Variants in TCF12 observed in about 807,000 individuals in gnomAD.
TCF12 encodes the protein DNA-binding protein HTF4.
TCF12 carries 45 observed loss-of-function variants against 86.0 expected under a neutral mutation model. The observed-to-expected ratio is 0.52, with a 90% CI of 0.41 to 0.67. TCF12 has a LOEUF of 0.67. TCF12 is among the 30% of genes least tolerant of loss of function. The probability of loss-of-function intolerance (pLI) is 0.00; values close to 1 mark genes in which losing one functional copy is unlikely to be tolerated. For synonymous variants in TCF12, 330 were observed against 299.6 expected (o/e 1.10, Z -1.05); for missense variants, 881 against 859.9 (o/e 1.02, Z -0.31).
At chr15:57,146,273 A>G (rs1226403038) in intron 5 of TCF12, among the ~76,000 whole-genome samples, 2 of 152,202 alleles carry the variant, frequency 1.3e-5, no homozygotes, top group African/African-American at 4.8e-5. Context: ...AATGTAACTG[A>G]TAGTAGCAAG....
chr15:57,233,931 A>ACAC, intron 11 of TCF12, 112 bp from the exon 12 acceptor site: 4 of 802,312 alleles, frequency 5.0e-6, no homozygotes, highest in Non-Finnish European at 8.6e-6. Flanking sequence ...TTCCTAGTTT[A>ACAC]CTGTAACAGA....
intron 6 of TCF12, among the ~76,000 whole-genome samples, chr15:57,168,210 G>A (rs1191946872): frequency 6.6e-6 from 1 of 152,110 alleles, no homozygotes. Flanking sequence ...ACTGCACTGT[G>A]GAAATTCAAA....
At chr15:56,963,609 CAG>C (rs1408603558) in intron 3 of TCF12, among the ~76,000 whole-genome samples, 4 of 152,138 alleles carry the variant, frequency 2.6e-5, no homozygotes, top group African/African-American at 7.2e-5. Flanking sequence ...GATTTGGACT[CAG>C]TGTTTTATTT....
intron 4 of TCF12, among the ~76,000 whole-genome samples, chr15:57,080,783 T>G (rs1773545790): frequency 6.6e-6 from 1 of 152,218 alleles, no homozygotes; most frequent in Non-Finnish European, 1.5e-5. Context: ...GAATATTAAT[T>G]CTTAACTATA....
In TCF12 at chr15:57,286,911, A is replaced by G. The variant is rs1278889893; in HGVS notation, c.*766A>G. ...CCTGTGTGCTTTGCACATTTACCTT[A>G]CAGTGGTAAGCAGAGACCATCTGTG... On this transcript the variant is annotated 3_prime_UTR_variant, in exon 21 of 21. Coordinates refer to ENST00000333725, the MANE Select transcript of TCF12 (RefSeq NM_207037.2). The G allele has an allele frequency of 3.4e-6, 1 of 294,512 alleles. No individual in the cohort carries two copies. Among genetic ancestry groups the G allele is most frequent in the South Asian group, 3.1e-5 (1 of 32,410 alleles). 18.2% of individuals were successfully genotyped at this position (294,512 alleles called of 1,614,324 possible).
chr15:56,993,150 G>T (rs2063535319), intron 3 of TCF12, among the ~76,000 whole-genome samples: 1 of 151,980 alleles, frequency 6.6e-6, no homozygotes, highest in Non-Finnish European at 1.5e-5. Flanking sequence ...CCTAAAAGTG[G>T]GGCAATCTGA....
At chr15:56,965,115 A>G (rs2061944784) in intron 3 of TCF12, among the ~76,000 whole-genome samples, 2 of 152,214 alleles carry the variant, frequency 1.3e-5, no homozygotes, top group African/African-American at 2.4e-5. Flanking sequence ...GACTAAAGGC[A>G]CTAGCACTTA....
intron 3 of TCF12, among the ~76,000 whole-genome samples, chr15:56,975,946 G>C (rs185541137): frequency 1.1e-3 from 169 of 151,400 alleles, no homozygotes; most frequent in Middle Eastern, 3.4e-3. Context: ...GAAGGACTCA[G>C]GGTCCAATTT....
intron 3 of TCF12, among the ~76,000 whole-genome samples, chr15:57,039,622 A>C (rs2066760529): frequency 7.3e-6 from 1 of 137,686 alleles, no homozygotes. Context: ...TGTTGCTTTG[A>C]GTAGTCCATG....
At chr15:57,129,648 G>A (rs1325251579) in intron 5 of TCF12, 2 of 152,206 alleles carry the variant, frequency 1.3e-5, no homozygotes, top group African/African-American at 4.8e-5. Context: ...TTCTGAAATG[G>A]AGATAGTGGT....
intron 4 of TCF12, among the ~76,000 whole-genome samples, chr15:57,077,367 G>T (rs868019120): frequency 6.3e-5 from 2 of 31,936 alleles, no homozygotes; most frequent in African/African-American, 9.1e-5. Flanking sequence ...GTGTGTGTGT[G>T]TGTGTGTATA....
intron 6 of TCF12, among the ~76,000 whole-genome samples, chr15:57,169,138 T>A (rs375220577): frequency 2.6e-5 from 4 of 152,348 alleles, no homozygotes; most frequent in African/African-American, 9.6e-5. Context: ...CCTGTAGGTT[T>A]AAGCTTCTAA....
chr15:57,263,821 G>A (rs1207616872), intron 18 of TCF12, among the ~76,000 whole-genome samples: 1 of 152,098 alleles, frequency 6.6e-6, no homozygotes, highest in African/African-American at 2.4e-5. Flanking sequence ...AAGAATTTGT[G>A]TATCTAAACA....
At position 57,231,060 on chromosome 15, in the gene TCF12, T is replaced by G. The variant is rs12903855; in HGVS notation, c.580-92T>G. ...GCCCTTTATAAAAATTAGATAGGCC[T>G]TTTTAAGCCCCTTACAGAATATAGA... On this transcript the variant is annotated intron_variant, in intron 8 of 20. Coordinates refer to ENST00000333725, the MANE Select transcript of TCF12 (RefSeq NM_207037.2). 3 of 930,578 alleles carry G rather than the reference T, an allele frequency of 3.2e-6. No individual in the cohort carries two copies. In the African/African-American group the frequency reaches 5.0e-5, roughly 15 times the overall value. The allele number at this position is 930,578 out of a possible 1,614,324, so 57.6% of individuals were successfully genotyped here.
Position 57,219,766 on chromosome 15 carries a change from C to T in TCF12, c.580-11386C>T, listed in dbSNP as rs28495648. On this transcript the variant is annotated intron_variant, in intron 8 of 20. Transcript: ENST00000333725. ...GGGGGGACGGAGTCTTGCCCTGTCA[C>T]CCAGGATGGAGTGCAGTGGCTCGAT... Among the ~76,000 whole-genome samples, 3,205 of 145,896 alleles carry T rather than the reference C, an allele frequency of 0.022. 126 individuals are homozygous for T. The highest frequency in any genetic ancestry group is 0.072 in the African/African-American group (2,886 of 40,092).
intron 3 of TCF12, among the ~76,000 whole-genome samples, chr15:56,943,241 A>C (rs1008058795): frequency 2.6e-5 from 4 of 152,188 alleles, no homozygotes; most frequent in African/African-American, 9.7e-5. Flanking sequence ...GACATTATTG[A>C]GCCCATACTG....
chr15:56,955,647 T>C (rs1015166020), intron 3 of TCF12, among the ~76,000 whole-genome samples: 3 of 152,250 alleles, frequency 2.0e-5, no homozygotes, highest in African/African-American at 4.8e-5. Flanking sequence ...TCTTGTTTTA[T>C]GGTTTGAAAT....
intron 3 of TCF12, among the ~76,000 whole-genome samples, chr15:56,934,500 G>C (rs1470226178): frequency 2.0e-5 from 3 of 152,130 alleles, no homozygotes; most frequent in Non-Finnish European, 4.4e-5. Flanking sequence ...ACAGGACTTG[G>C]ATCTGTCTGC....
At chr15:56,992,584 C>T (rs1034534996) in intron 3 of TCF12, among the ~76,000 whole-genome samples, 8 of 152,170 alleles carry the variant, frequency 5.3e-5, no homozygotes, top group Admixed American at 3.3e-4. Context: ...ATGTGCTATA[C>T]ATTATGCCAT....
Sources: allele counts gnomAD v4.1 joint callset (sites outside exome capture counted in the v4.1 genomes callset), GRCh38; gene constraint gnomAD v4.1.1; transcripts MANE v1.5; gene names NCBI Gene and HGNC (gene_info 2026-07-23, HGNC 2026-07-21).